The following DGKG variants were observed in gnomAD, a reference collection of about 807,000 sequenced individuals.
DGKG encodes the protein diacylglycerol kinase gamma, also known as DAG kinase gamma.
Under a neutral mutation model 105.3 loss-of-function variants are expected in DGKG, and 78 were observed. The observed-to-expected ratio is 0.74, with a 90% CI of 0.62 to 0.89. DGKG has a LOEUF of 0.89. Ranked by LOEUF, DGKG falls within the 40% of genes least tolerant of loss-of-function variation. The pLI is 0.00. For missense variants in DGKG, 958 were observed against 1,020.1 expected (o/e 0.94, Z 0.83); for synonymous variants, 346 against 367.1 (o/e 0.94, Z 0.66).
chr3:186,342,427 A>G (rs1029893418), intron 1 of DGKG, among the ~76,000 whole-genome samples: 1 of 152,206 alleles, frequency 6.6e-6, no homozygotes, highest in Non-Finnish European at 1.5e-5. Context: ...TCTTGTGCTG[A>G]CTGAACACTT....
chr3:186,304,970 A>G (rs1272570927), intron 3 of DGKG, among the ~76,000 whole-genome samples: 1 of 152,238 alleles, frequency 6.6e-6, no homozygotes, highest in Non-Finnish European at 1.5e-5. Context: ...AGTACAGTGC[A>G]TAGAAGCCCA....
rs571466792 is a variant in DGKG at position 186,188,657 on chromosome 3, G to T, written c.1918-278C>A. 7.2e-5 allele frequency among the ~76,000 whole-genome samples: 11 copies of T among 152,126 alleles called. No homozygotes were observed. The South Asian group carries it at 2.3e-3, about 32-fold the overall frequency. On this transcript the variant is annotated intron_variant, in intron 21 of 24. Transcript: ENST00000265022. ...ATCTTTAGGTCTAGAAGTGCTTTAG[G>T]GCTGGTTCTTAAGTCAATTGTCAAA...
At chr3:186,245,966 A>T (rs903227243) in intron 19 of DGKG, among the ~76,000 whole-genome samples, 4 of 152,284 alleles carry the variant, frequency 2.6e-5, no homozygotes, top group South Asian at 2.1e-4. Context: ...ATTTAAAACA[A>T]TTTTTAAATT....
chr3:186,351,455 C>T (rs1279444008), intron 1 of DGKG, among the ~76,000 whole-genome samples: 1 of 152,116 alleles, frequency 6.6e-6, no homozygotes, highest in Non-Finnish European at 1.5e-5. Context: ...GGCTCAGAGT[C>T]TCTGAGGAGA....
At chr3:186,158,234 T>C in intron 24 of DGKG, 1 of 702,126 alleles carries the variant, frequency 1.4e-6, no homozygotes, top group Non-Finnish European at 1.7e-6. Context: ...TTATTATTGC[T>C]CTTCTAATTT....
rs1167711771 is a variant in DGKG, at chr3:186,297,438, G to T, written c.356C>A (p.Ala119Asp). 7.4e-6 allele frequency: 12 copies of T among 1,612,394 alleles called. No individual in the cohort carries two copies. The highest frequency in any genetic ancestry group is 5.9e-6 in the Non-Finnish European group (7 of 1,178,532). Residue 119 changes from alanine to aspartate, a missense_variant, in exon 5 of 25, where the codon GCC (alanine) becomes GAC (aspartate). Ala to Asp is a moderately radical substitution (Grantham distance 126). This residue lies in a region of DGKG where 643 missense variants were observed against 619.5 expected (regional missense o/e 1.04). Coordinates refer to ENST00000265022, the MANE Select transcript of DGKG (RefSeq NM_001346.3). Reference protein sequence around the residue: ...NADNATKADEACAPDTESNMA... With the variant: ...NADNATKADEDCAPDTESNMA... ...AGACTTACCAGTATCAGGGGCACAGGCCTCGTCTGCTTTGGTGGCATTATC... is the reference window on the plus strand; with the variant it reads ...AGACTTACCAGTATCAGGGGCACAGTCCTCGTCTGCTTTGGTGGCATTATC...
At chr3:186,356,274 G>A (rs1187579528) in intron 1 of DGKG, among the ~76,000 whole-genome samples, 1 of 152,192 alleles carries the variant, frequency 6.6e-6, no homozygotes, top group Non-Finnish European at 1.5e-5. Flanking sequence ...ATTCAGAGAT[G>A]GCAGGAAGCT....
chr3:186,148,980 T>A lies in DGKG; in HGVS notation c.*1110A>T, dbSNP rs28719015. On this transcript the variant is annotated 3_prime_UTR_variant, in exon 25 of 25. Transcript: ENST00000265022. ...ATATTTATATATATATATATATAAA[T>A]ATATAGGCTAAATATATATATATAC... The A allele has an allele frequency of 2.1e-5, 14 of 677,076 alleles. No homozygotes were observed. Among genetic ancestry groups the A allele is most frequent in the Non-Finnish European group, 2.2e-5 (12 of 554,052 alleles). 41.9% of individuals were successfully genotyped at this position (677,076 alleles called of 1,614,324 possible).
chr3:186,272,163 T>C (rs767490347), intron 11 of DGKG, 92 bp downstream of exon 11: 4 of 970,068 alleles, frequency 4.1e-6, no homozygotes, highest in Admixed American at 1.8e-5. Flanking sequence ...TGGATGAAGC[T>C]CCCAGTGCCC....
At chr3:186,225,502 A>G (rs1719814941) in intron 20 of DGKG, among the ~76,000 whole-genome samples, 1 of 152,124 alleles carries the variant, frequency 6.6e-6, no homozygotes, top group South Asian at 2.1e-4. Flanking sequence ...GGGGCCTGGC[A>G]ATGTGTTTAT....
chr3:186,260,183 T>G (rs984284075), intron 16 of DGKG, among the ~76,000 whole-genome samples: 1 of 152,126 alleles, frequency 6.6e-6, no homozygotes, highest in African/African-American at 2.4e-5. Context: ...TGTGTGCAGT[T>G]TTCCCCCTCT....
At chr3:186,253,013 A>G in intron 18 of DGKG, 80 bp downstream of exon 18, 3 of 1,243,574 alleles carry the variant, frequency 2.4e-6, no homozygotes, top group Non-Finnish European at 3.6e-6. Flanking sequence ...TAAAAGGGTA[A>G]GTTCAGCCTA....
At chr3:186,192,607 C>T (rs731456) in intron 21 of DGKG, among the ~76,000 whole-genome samples, 72,326 of 151,576 alleles carry the variant, frequency 0.48, 20,236 homozygotes, top group East Asian at 0.74. Context: ...CAAGGCTCCA[C>T]AGCTTCCTAC....
At chr3:186,278,164 G>T (rs1722669750) in intron 9 of DGKG, among the ~76,000 whole-genome samples, 1 of 152,046 alleles carries the variant, frequency 6.6e-6, no homozygotes. Context: ...CATGCAAAGA[G>T]TTGGTGGTAT....
rs189180086 is a variant in DGKG at position 186,308,070 on chromosome 3, C to T, written c.68-1093G>A. On this transcript the variant is annotated intron_variant, in intron 2 of 24. Transcript: ENST00000265022. ...CCTCTGAAAGTTGAGGCCTCCACCC[C>T]CCGCCATGATTTCCCCTTAATGTTC... Among the ~76,000 whole-genome samples, 27 of 152,176 alleles carry T rather than the reference C, an allele frequency of 1.8e-4. No individual in the cohort carries two copies. In the East Asian group the frequency reaches 4.1e-3, roughly 23 times the overall value.
intron 1 of DGKG, among the ~76,000 whole-genome samples, chr3:186,323,578 G>T (rs542018584): frequency 6.6e-6 from 1 of 152,174 alleles, no homozygotes; most frequent in Non-Finnish European, 1.5e-5. Context: ...CGGATCATGA[G>T]GTCAGGAGAT....
At chr3:186,277,711 A>G (rs1722648849) in intron 9 of DGKG, among the ~76,000 whole-genome samples, 1 of 152,192 alleles carries the variant, frequency 6.6e-6, no homozygotes, top group South Asian at 2.1e-4. Flanking sequence ...TTATAGCACC[A>G]TCATGTGGCT....
chr3:186,251,148 A>G (rs1721206651), intron 19 of DGKG, among the ~76,000 whole-genome samples: 2 of 152,136 alleles, frequency 1.3e-5, no homozygotes, highest in African/African-American at 4.8e-5. Context: ...CAATTCCTTC[A>G]ACCTAATGCA....
chr3:186,208,458 A>T (rs35374654), intron 21 of DGKG, among the ~76,000 whole-genome samples: 32,116 of 151,416 alleles, frequency 0.21, 3,522 homozygotes, highest in Non-Finnish European at 0.24. Context: ...AAAAAGGAAG[A>T]ACCTAAATAG....
Sources: gnomAD v4.1 joint callset for allele counts (sites outside exome capture counted in the v4.1 genomes callset) on GRCh38, gnomAD v4.1.1 for gene constraint, gnomAD v4.1.1 regional missense constraint, MANE v1.5 for transcripts, NCBI Gene and HGNC (gene_info 2026-07-23, HGNC 2026-07-21) for gene names.